The following MEI4 variants were observed in gnomAD, a reference collection of about 807,000 sequenced individuals.
The protein encoded by MEI4 is meiotic double-stranded break formation protein 4.
MEI4 carries 27 observed loss-of-function variants against 31.4 expected under a neutral mutation model. The observed-to-expected ratio is 0.86, with a 90% CI of 0.63 to 1.19. The LOEUF (loss-of-function observed/expected upper bound fraction) is 1.19. MEI4 is among the 50% of genes most tolerant of loss of function. The pLI is 0.00. For synonymous variants in MEI4, 122 were observed against 145.4 expected (o/e 0.84, Z 1.16); for missense variants, 329 against 398.9 (o/e 0.82, Z 1.49).
intron 4 of MEI4, among the ~76,000 whole-genome samples, chr6:77,831,543 TC>T (rs1770082268): frequency 6.6e-6 from 1 of 150,866 alleles, no homozygotes; most frequent in Non-Finnish European, 1.5e-5. Context: ...ATAATATTCC[TC>T]TCTCTCTATA....
At chr6:77,711,413 T>A (rs1766464273) in intron 2 of MEI4, among the ~76,000 whole-genome samples, 1 of 152,216 alleles carries the variant, frequency 6.6e-6, no homozygotes, top group South Asian at 2.1e-4. Flanking sequence ...ATAATTTTTA[T>A]TTGTCACTGG....
rs145520153 is a variant in MEI4, at chr6:77,793,550, AAG to A, written c.768+31889_768+31890del. ...ATTTTAACTCTAGTATAAAAATTAA[AAG>A]AGAAAATTGTCAAATATAATTATAG... On this transcript the variant is annotated intron_variant, in intron 3 of 4. Transcript: ENST00000684080. Among the ~76,000 whole-genome samples, 39 of 152,322 alleles carry A rather than the reference AAG, an allele frequency of 2.6e-4. No individual in the cohort carries two copies. In the East Asian group the frequency reaches 6.4e-3, roughly 25 times the overall value.
At position 77,795,390 on chromosome 6, in the gene MEI4, T is replaced by C. The variant is rs1582152641; in HGVS notation, c.769-33541T>C. On this transcript the variant is annotated intron_variant, in intron 3 of 4. Coordinates refer to ENST00000684080, the MANE Select transcript of MEI4 (RefSeq NM_001322247.2). The stretch of plus-strand genomic sequence containing the variant: ...GAGGCAGCCTTCTTACAGTCATGCA[T>C]GCACTCACATCAAAATACAAGCCTT... 2.0e-5 allele frequency among the ~76,000 whole-genome samples: 3 copies of C among 152,112 alleles called. No homozygotes were observed. The East Asian group carries it at 5.8e-4, about 29-fold the overall frequency.
intron 2 of MEI4, among the ~76,000 whole-genome samples, chr6:77,729,153 G>GGTGAGA (rs1254836882): frequency 6.6e-6 from 1 of 152,158 alleles, no homozygotes. Flanking sequence ...GAGTCACAAA[G>GGTGAGA]GTGAGAGTGG....
At chr6:77,912,584 G>C (rs1301780951) in intron 4 of MEI4, among the ~76,000 whole-genome samples, 1 of 151,828 alleles carries the variant, frequency 6.6e-6, no homozygotes, top group Non-Finnish European at 1.5e-5. Context: ...ATTTTAAATG[G>C]GATTACCATC....
At chr6:77,747,646 G>A (rs1242015665) in intron 2 of MEI4, among the ~76,000 whole-genome samples, 1 of 152,100 alleles carries the variant, frequency 6.6e-6, no homozygotes, top group African/African-American at 2.4e-5. Flanking sequence ...TTTGGGTGGG[G>A]ACACAGAGCC....
intron 3 of MEI4, among the ~76,000 whole-genome samples, chr6:77,825,558 T>G (rs1166315294): frequency 6.6e-6 from 1 of 152,200 alleles, no homozygotes; most frequent in African/African-American, 2.4e-5. Context: ...CACCGTCCCT[T>G]CTTGTGGCTT....
chr6:77,813,640 G>A (rs1769625279), intron 3 of MEI4, among the ~76,000 whole-genome samples: 1 of 151,868 alleles, frequency 6.6e-6, no homozygotes, highest in Non-Finnish European at 1.5e-5. Context: ...TGGTGATGAA[G>A]GTAACCTTTG....
chr6:77,871,461 C>G (rs562974077), intron 4 of MEI4, among the ~76,000 whole-genome samples: 1 of 152,044 alleles, frequency 6.6e-6, no homozygotes, highest in East Asian at 1.9e-4. Context: ...AACCAAATAC[C>G]ACATGTTCTC....
In MEI4 at chr6:77,923,368, C is replaced by T; in HGVS notation, c.*22C>T. The T allele has an allele frequency of 1.6e-6, 2 of 1,227,796 alleles. No homozygotes were observed. The highest frequency in any genetic ancestry group is 2.0e-6 in the Non-Finnish European group (2 of 984,832). The allele number at this position is 1,227,796 out of a possible 1,614,324, so 76.1% of individuals were successfully genotyped here. On this transcript the variant is annotated 3_prime_UTR_variant, in exon 5 of 5. Coordinates refer to ENST00000684080, the MANE Select transcript of MEI4 (RefSeq NM_001322247.2). ...ATAACTCCATTCCTTAGCAATTTAC[C>T]ACGTTTGAAGCATAATAAAGTAGAA...
At chr6:77,750,423 A>T (rs1561973981) in intron 2 of MEI4, among the ~76,000 whole-genome samples, 1 of 152,218 alleles carries the variant, frequency 6.6e-6, no homozygotes, top group Non-Finnish European at 1.5e-5. Context: ...GGGATGGAGG[A>T]ATATTTACCA....
chr6:77,904,151 T>A (rs4706662), intron 4 of MEI4, among the ~76,000 whole-genome samples: 21,891 of 152,140 alleles, frequency 0.14, 1,860 homozygotes, highest in East Asian at 0.39. Context: ...TTGCAATTAC[T>A]TATTTTTCCC....
chr6:77,752,688 T>G (rs1561975014), intron 2 of MEI4, among the ~76,000 whole-genome samples: 1 of 152,198 alleles, frequency 6.6e-6, no homozygotes, highest in African/African-American at 2.4e-5. Flanking sequence ...ATGCCCAAAG[T>G]AATTTTTAGA....
intron 3 of MEI4, among the ~76,000 whole-genome samples, chr6:77,807,924 C>T (rs1298099345): frequency 2.0e-5 from 3 of 152,130 alleles, no homozygotes; most frequent in Admixed American, 6.6e-5. Context: ...GCTAAATTTT[C>T]GACCATTGCA....
At position 77,680,115 on chromosome 6, in the gene MEI4, C is replaced by CAAAAAAAAAAAAAAAAAAAAAAAAAAAA. The variant is rs1220251759; in HGVS notation, c.-14-10529_-14-10528insAAAAAAAAAAAAAAAAAAAAAAAAAAAA. The stretch of plus-strand genomic sequence containing the variant: ...TGAAACCCCGTCCCTACTAAAAATA[C>CAAAAAAAAAAAAAAAAAAAAAAAAAAAA]AAAAAAAAAAAAAATTAGCTGGGCG... On this transcript the variant is annotated intron_variant, in intron 1 of 4. Coordinates refer to ENST00000684080, the MANE Select transcript of MEI4 (RefSeq NM_001322247.2). Among the ~76,000 whole-genome samples, 34 of 39,736 alleles carry CAAAAAAAAAAAAAAAAAAAAAAAAAAAA rather than the reference C, an allele frequency of 8.6e-4. 7 individuals carry two copies. Among genetic ancestry groups the CAAAAAAAAAAAAAAAAAAAAAAAAAAAA allele is most frequent in the African/African-American group, 2.3e-3 (19 of 8,198 alleles). 26.1% of individuals were successfully genotyped at this position (39,736 alleles called of 152,430 possible).
intron 3 of MEI4, among the ~76,000 whole-genome samples, chr6:77,824,110 G>T (rs997994456): frequency 1.3e-5 from 2 of 151,932 alleles, no homozygotes; most frequent in African/African-American, 4.8e-5. Flanking sequence ...CATTTTTTTT[G>T]ATGGAGTTTT....
At chr6:77,659,927 T>G (rs1768472598) in intron 1 of MEI4, among the ~76,000 whole-genome samples, 1 of 152,054 alleles carries the variant, frequency 6.6e-6, no homozygotes, top group Non-Finnish European at 1.5e-5. Flanking sequence ...GGTCCAAATA[T>G]GGGGGGAGTA....
chr6:77,724,958 A>G (rs1766788369), intron 2 of MEI4, among the ~76,000 whole-genome samples: 1 of 143,982 alleles, frequency 6.9e-6, no homozygotes, highest in African/African-American at 2.6e-5. Flanking sequence ...CAGAAACTGA[A>G]ATACTATCTT....
intron 3 of MEI4, among the ~76,000 whole-genome samples, chr6:77,804,214 T>G (rs1216496770): frequency 6.6e-6 from 1 of 152,148 alleles, no homozygotes; most frequent in Non-Finnish European, 1.5e-5. Flanking sequence ...TGCAGTTTGA[T>G]CTCAGACTGC....
Sources: gnomAD v4.1 joint callset for allele counts (sites outside exome capture counted in the v4.1 genomes callset) on GRCh38, gnomAD v4.1.1 for gene constraint, MANE v1.5 for transcripts, NCBI Gene and HGNC (gene_info 2026-07-23, HGNC 2026-07-21) for gene names.